The following RRAD variants were observed in gnomAD, a reference collection of about 807,000 sequenced individuals.
RRAD encodes RRAD, Ras related glycolysis inhibitor and calcium channel regulator.
RRAD carries 15 observed loss-of-function variants against 24.7 expected under a neutral mutation model. The observed-to-expected ratio is 0.61, with a 90% CI of 0.41 to 0.93. The LOEUF (loss-of-function observed/expected upper bound fraction) is 0.93, where lower values mean the gene tolerates loss of function less well. RRAD is among the 40% of genes least tolerant of loss of function. The pLI is 0.00. For missense variants in RRAD, 438 were observed against 452.2 expected, an observed-to-expected ratio of 0.97 and a Z score of 0.29; for synonymous variants, 180 against 189.8, an observed-to-expected ratio of 0.95 and a Z score of 0.43.
rs1249985850 is a variant in RRAD at position 66,922,243 on chromosome 16, G to T, written c.760C>A (p.Arg254Ser). 1.2e-6 allele frequency: 2 copies of T among 1,614,132 alleles called. No homozygotes were observed. Among genetic ancestry groups the T allele is most frequent in the Non-Finnish European group, 1.7e-6 (2 of 1,179,996 alleles). Residue 254 changes from arginine (R) to serine (S), a missense_variant, in exon 5 of 5, where the codon CGC (arginine) becomes AGC (serine). Physicochemically the swap from Arg to Ser is moderately radical, Grantham distance 110. Transcript: ENST00000299759. The part of the protein sequence containing the change: ...FEGVVRQIRL[R>S]RDSKEANARR... ...GCGTTGGCTTCTTTGCTGTCCCTGCGCAGGCGTATCTGGCGCACGACACCT... is the reference window on the plus strand; with the variant it reads ...GCGTTGGCTTCTTTGCTGTCCCTGCTCAGGCGTATCTGGCGCACGACACCT...
At chr16:66,922,627 C>G (rs1168063642) in intron 4 of RRAD, among the ~76,000 whole-genome samples, 16 of 152,160 alleles carry the variant, frequency 1.1e-4, no homozygotes, top group Admixed American at 9.2e-4. Context: ...AAACAAAGTA[C>G]GACAGTAGTA....
At chr16:66,922,502 G>T (rs1317688284) in intron 4 of RRAD, 149 bp from the exon 5 acceptor site, 8 of 779,376 alleles carry the variant, frequency 1.0e-5, no homozygotes, top group Non-Finnish European at 1.6e-5. Flanking sequence ...TGTACTGAGG[G>T]TACTGGGCAC....
In RRAD at chr16:66,924,661, G is replaced by A; in HGVS notation, c.370+149C>T. 1 of 611,758 alleles carries A rather than the reference G, an allele frequency of 1.6e-6. No homozygotes were observed. The highest frequency in any genetic ancestry group is 2.2e-6 in the Non-Finnish European group (1 of 450,402). The allele number at this position is 611,758 out of a possible 1,614,324, so 37.9% of individuals were successfully genotyped here. On this transcript the variant is annotated intron_variant, in intron 2 of 4. Coordinates refer to ENST00000299759, the MANE Select transcript of RRAD (RefSeq NM_004165.3). This position sits in a 1 kb window ranked among gnomAD's most constrained non-coding sequence, Gnocchi z 4.2. ...AGCCTGGGAAAAAGAGCGAAACTCT[G>A]TCTCAAAATAATAATAAAATAATAA... is the stretch of plus-strand genomic sequence containing the variant.
At position 66,923,784 on chromosome 16, in the gene RRAD, C is replaced by T; in HGVS notation, c.444+62G>A. The T allele has an allele frequency of 6.2e-7, 1 of 1,610,278 alleles. No homozygotes were observed. ...ATGCCCCCGACACGAGCCTGGCACT[C>T]CCAGACCTCTAACCCAACTCACTCC... On this transcript the variant is annotated intron_variant, in intron 3 of 4. Transcript: ENST00000299759. This position sits in a 1 kb window ranked among gnomAD's most constrained non-coding sequence, Gnocchi z 4.9.
Position 66,923,396 on chromosome 16 carries a change from A to G in RRAD, c.649+120T>C, listed in dbSNP as rs1962944730. The stretch of plus-strand genomic sequence containing the variant: ...GCTCTCTCCCATTTCCCTCCCCGCC[A>G]GTTTTCTTTCTGAACATTTTTAGCC... On this transcript the variant is annotated intron_variant, in intron 4 of 4. Transcript: ENST00000299759. The surrounding 1 kb of genome is among the most constrained non-coding windows in gnomAD (Gnocchi z 4.9). 1 of 823,050 alleles carries G rather than the reference A, an allele frequency of 1.2e-6. No homozygotes were observed. Among genetic ancestry groups the G allele is most frequent in the Admixed American group, 2.5e-5 (1 of 39,704 alleles). The allele number at this position is 823,050 out of a possible 1,614,324, so 51.0% of individuals were successfully genotyped here.
chr16:66,922,446 C>A, intron 4 of RRAD, 93 bp from the exon 5 acceptor site: 1 of 1,332,666 alleles, frequency 7.5e-7, no homozygotes, highest in Non-Finnish European at 1.0e-6. Context: ...AGCTGCCACT[C>A]GAGAATTTGC....
Position 66,924,683 on chromosome 16 carries a change from A to G in RRAD, c.370+127T>C. 1 of 678,612 alleles carries G rather than the reference A, an allele frequency of 1.5e-6. No homozygotes were observed. Among genetic ancestry groups the G allele is most frequent in the Admixed American group, 4.4e-5 (1 of 22,560 alleles). The allele number at this position is 678,612 out of a possible 1,614,324, so 42.0% of individuals were successfully genotyped here. A position where few individuals can be genotyped will look rare whatever the true frequency, so the allele number is the denominator to read the frequency against. ...TCTGTCTCAAAATAATAATAAAATA[A>G]TAATAATAATAATAATAACAACAAC... On this transcript the variant is annotated intron_variant, in intron 2 of 4. Coordinates refer to ENST00000299759, the MANE Select transcript of RRAD (RefSeq NM_004165.3). The surrounding 1 kb of genome is among the most constrained non-coding windows in gnomAD (Gnocchi z 4.2).
Position 66,921,768 on chromosome 16 carries a change from A to C in RRAD, c.*308T>G. 2 of 335,838 alleles carry C rather than the reference A, an allele frequency of 6.0e-6. No homozygotes were observed. Among genetic ancestry groups the C allele is most frequent in the East Asian group, 5.0e-5 (1 of 19,908 alleles). 20.8% of individuals were successfully genotyped at this position (335,838 alleles called of 1,614,324 possible). On this transcript the variant is annotated 3_prime_UTR_variant, in exon 5 of 5. Coordinates refer to ENST00000299759, the MANE Select transcript of RRAD (RefSeq NM_004165.3). ...AAGAGCCTCCCTCCAGGGCAGGCACACCCGGGCTGTGAAAAAAGGCAGAGT... is the reference window on the plus strand; with the variant it reads ...AAGAGCCTCCCTCCAGGGCAGGCACCCCCGGGCTGTGAAAAAAGGCAGAGT...
Position 66,925,260 on chromosome 16 carries a change from C to T in RRAD, c.-15-66G>A. On this transcript the variant is annotated intron_variant, in intron 1 of 4. Transcript: ENST00000299759. This position sits in a 1 kb window ranked among gnomAD's most constrained non-coding sequence, Gnocchi z 5.2. Reference sequence around the variant, plus strand: ...GGAGGCGGGACCCGGGGCGCACCTGCCCAACCCGGAGTCAGGCGGGATGCT... The same window carrying T: ...GGAGGCGGGACCCGGGGCGCACCTGTCCAACCCGGAGTCAGGCGGGATGCT... The T allele has an allele frequency of 8.5e-7, 1 of 1,179,352 alleles. No homozygotes were observed. The highest frequency in any genetic ancestry group is 3.5e-5 in the East Asian group (1 of 28,602). 73.1% of individuals were successfully genotyped at this position (1,179,352 alleles called of 1,614,324 possible). A position where few individuals can be genotyped will look rare whatever the true frequency, so the allele number is the denominator to read the frequency against.
In RRAD at chr16:66,923,593, C is replaced by T. The variant is rs757648876; in HGVS notation, c.572G>A (p.Arg191Gln). 3.7e-6 allele frequency: 6 copies of T among 1,613,502 alleles called. No homozygotes were observed. Among genetic ancestry groups the T allele is most frequent in the African/African-American group, 2.7e-5 (2 of 74,822 alleles). Residue 191 changes from arginine to glutamine, a missense_variant, in exon 4 of 5, where the codon CGG becomes CAG. Arg to Gln is a conservative substitution (Grantham distance 43). Coordinates refer to ENST00000299759, the MANE Select transcript of RRAD (RefSeq NM_004165.3). The surrounding 1 kb of genome is among the most constrained non-coding windows in gnomAD (Gnocchi z 4.9). ...SELRVQLRRA[R>Q]QTDDVPIILV... ...GATGATGGGCACATCATCTGTTTGC[C>T]GTGCACGCCGCAGCTGGACCCGCAG...
rs781281972 is a variant in RRAD, at chr16:66,921,957, C to T, written c.*119G>A. 2 of 878,654 alleles carry T rather than the reference C, an allele frequency of 2.3e-6. No individual in the cohort carries two copies. Among genetic ancestry groups the T allele is most frequent in the Non-Finnish European group, 3.5e-6 (2 of 579,034 alleles). 54.4% of individuals were successfully genotyped at this position (878,654 alleles called of 1,614,324 possible). A position where few individuals can be genotyped will look rare whatever the true frequency, so the allele number is the denominator to read the frequency against. Reference sequence around the variant, plus strand: ...CCATGACCATGAGGTTGGGGGTGCCCGGCTGGCAGCTCCGAGGGACCCAGA... The same window carrying T: ...CCATGACCATGAGGTTGGGGGTGCCTGGCTGGCAGCTCCGAGGGACCCAGA... On this transcript the variant is annotated 3_prime_UTR_variant, in exon 5 of 5. Transcript: ENST00000299759.
chr16:66,923,615 G>A lies in RRAD; in HGVS notation c.550C>T (p.Arg184Trp), dbSNP rs932782937. ...KGSFEKASELRVQLRRARQTD... is the reference protein window; with the variant it reads ...KGSFEKASELWVQLRRARQTD... Reference sequence around the variant, plus strand: ...TGCCGTGCACGCCGCAGCTGGACCCGCAGTTCTGAGGCCTTCTCGAAGCTG... The same window carrying A: ...TGCCGTGCACGCCGCAGCTGGACCCACAGTTCTGAGGCCTTCTCGAAGCTG... Residue 184 changes from arginine to tryptophan, a missense_variant, in exon 4 of 5, where the codon CGG becomes TGG. Transcript: ENST00000299759. This position sits in a 1 kb window ranked among gnomAD's most constrained non-coding sequence, Gnocchi z 4.9. The A allele has an allele frequency of 6.8e-6, 11 of 1,613,728 alleles. No individual in the cohort carries two copies. The highest frequency in any genetic ancestry group is 4.0e-5 in the African/African-American group (3 of 74,848).
Position 66,924,678 on chromosome 16 carries a change from A to ATAATAATAATAATAAT in RRAD, c.370+131_370+132insATTATTATTATTATTA. The stretch of plus-strand genomic sequence containing the variant: ...GAAACTCTGTCTCAAAATAATAATA[A>ATAATAATAATAATAAT]AATAATAATAATAATAATAATAACA... On this transcript the variant is annotated intron_variant, in intron 2 of 4. Transcript: ENST00000299759. The surrounding 1 kb of genome is among the most constrained non-coding windows in gnomAD (Gnocchi z 4.2). 1.5e-6 allele frequency: 1 copy of ATAATAATAATAATAAT among 687,244 alleles called. No homozygotes were observed. The highest frequency in any genetic ancestry group is 3.7e-5 in the East Asian group (1 of 27,106). 42.6% of individuals were successfully genotyped at this position (687,244 alleles called of 1,614,324 possible). A position where few individuals can be genotyped will look rare whatever the true frequency, so the allele number is the denominator to read the frequency against.
rs776659799 is a variant in RRAD, at chr16:66,923,570, T to C, written c.595A>G (p.Ile199Val). 4 of 1,612,116 alleles carry C rather than the reference T, an allele frequency of 2.5e-6. No individual in the cohort carries two copies. Among genetic ancestry groups the C allele is most frequent in the Non-Finnish European group, 3.4e-6 (4 of 1,179,862 alleles). ...AGGTCGCTCTTGTTGCCCACGAGGA[T>C]GATGGGCACATCATCTGTTTGCCGT... The part of the protein sequence containing the change: ...RARQTDDVPI[I>V]LVGNKSDLVR... Residue 199 changes from isoleucine to valine, a missense_variant, in exon 4 of 5, where the codon ATC becomes GTC. By Grantham distance (29) the Ile-to-Val change is conservative. Transcript: ENST00000299759. This position sits in a 1 kb window ranked among gnomAD's most constrained non-coding sequence, Gnocchi z 4.9.
chr16:66,925,041 G>C lies in RRAD; in HGVS notation c.139C>G (p.Leu47Val). 7.4e-7 allele frequency: 1 copy of C among 1,344,746 alleles called. No homozygotes were observed. The highest frequency in any genetic ancestry group is 1.5e-5 in the African/African-American group (1 of 66,208). The allele number at this position is 1,344,746 out of a possible 1,614,324, so 83.3% of individuals were successfully genotyped here. ...GCACCCGGGGTCAGCGCCGCCTGCA[G>C]GTCGCGCTCGTCCACCGGCATGCTG... is the stretch of plus-strand genomic sequence containing the variant. ...RRSMPVDERD[L>V]QAALTPGALT... Residue 47 changes from leucine (L) to valine (V), a missense_variant, in exon 2 of 5, where the codon CTG (leucine) becomes GTG (valine). Physicochemically the swap from Leu to Val is conservative, Grantham distance 32. Coordinates refer to ENST00000299759, the MANE Select transcript of RRAD (RefSeq NM_004165.3). The surrounding 1 kb of genome is among the most constrained non-coding windows in gnomAD (Gnocchi z 5.2).
In RRAD at chr16:66,924,699, T is replaced by TAATAATAATAATAATAATAAC. The variant is rs111919092; in HGVS notation, c.370+110_370+111insGTTATTATTATTATTATTATT. 25 of 662,508 alleles carry TAATAATAATAATAATAATAAC rather than the reference T, an allele frequency of 3.8e-5. No homozygotes were observed. The highest frequency in any genetic ancestry group is 1.1e-4 in the East Asian group (3 of 27,676). 41.0% of individuals were successfully genotyped at this position (662,508 alleles called of 1,614,324 possible). ...AATAAAATAATAATAATAATAATAA[T>TAATAATAATAATAATAATAAC]AACAACAACAACAACTATAATTCCA... On this transcript the variant is annotated intron_variant, in intron 2 of 4. Transcript: ENST00000299759. This position sits in a 1 kb window ranked among gnomAD's most constrained non-coding sequence, Gnocchi z 4.2.
Position 66,925,015 on chromosome 16 carries a change from G to A in RRAD, c.165C>T (p.Ala55=), listed in dbSNP as rs1333956663. 1.4e-6 allele frequency: 2 copies of A among 1,414,228 alleles called. No homozygotes were observed. Among genetic ancestry groups the A allele is most frequent in the Non-Finnish European group, 1.9e-6 (2 of 1,079,338 alleles). 87.6% of individuals were successfully genotyped at this position (1,414,228 alleles called of 1,614,324 possible). Residue 55 remains alanine (A), a synonymous_variant, in exon 2 of 5, where the codon GCC becomes GCT. Coordinates refer to ENST00000299759, the MANE Select transcript of RRAD (RefSeq NM_004165.3). The surrounding 1 kb of genome is among the most constrained non-coding windows in gnomAD (Gnocchi z 5.2). The part of the protein sequence containing the change: ...RDLQAALTPG[A]LTAAAAGTGT... ...CCGTCCCGGCCGCGGCCGCCGTCAG[G>A]GCACCCGGGGTCAGCGCCGCCTGCA...
Position 66,923,459 on chromosome 16 carries a change from G to T in RRAD, c.649+57C>A. ...CAGGGACTCAAGCTGAGCCAAGACT[G>T]CCTGGATCAGGGCCCAGCTGGGCTC... On this transcript the variant is annotated intron_variant, in intron 4 of 4. Transcript: ENST00000299759. This position sits in a 1 kb window ranked among gnomAD's most constrained non-coding sequence, Gnocchi z 4.9. The T allele has an allele frequency of 2.1e-6, 3 of 1,413,344 alleles. No individual in the cohort carries two copies. The highest frequency in any genetic ancestry group is 2.4e-4 in the Middle Eastern group (1 of 4,102). The allele number at this position is 1,413,344 out of a possible 1,614,324, so 87.6% of individuals were successfully genotyped here. A position where few individuals can be genotyped will look rare whatever the true frequency, so the allele number is the denominator to read the frequency against.
chr16:66,923,777 T>G lies in RRAD; in HGVS notation c.445-57A>C. On this transcript the variant is annotated intron_variant, in intron 3 of 4. Transcript: ENST00000299759. The surrounding 1 kb of genome is among the most constrained non-coding windows in gnomAD (Gnocchi z 4.9). ...AGTCCTCATGCCCCCGACACGAGCCTGGCACTCCCAGACCTCTAACCCAAC... is the reference window on the plus strand; with the variant it reads ...AGTCCTCATGCCCCCGACACGAGCCGGGCACTCCCAGACCTCTAACCCAAC... 2.5e-6 allele frequency: 4 copies of G among 1,610,464 alleles called. No individual in the cohort carries two copies. Among genetic ancestry groups the G allele is most frequent in the Non-Finnish European group, 3.4e-6 (4 of 1,176,860 alleles).
Sources: gnomAD v4.1 joint callset for allele counts (sites outside exome capture counted in the v4.1 genomes callset) on GRCh38, gnomAD v4.1.1 for gene constraint, Gnocchi (gnomAD v3.1) non-coding constraint, MANE v1.5 for transcripts, NCBI Gene and HGNC (gene_info 2026-07-23, HGNC 2026-07-21) for gene names.